IL15: variants seen among roughly 807,000 people sequenced by gnomAD.
The protein encoded by IL15 is interleukin-15.
Under a neutral mutation model 19.6 loss-of-function variants are expected in IL15, and 11 were observed. The observed-to-expected ratio is 0.56, with a 90% confidence interval of 0.35 to 0.93. The LOEUF is 0.93. Ranked by LOEUF, IL15 falls within the 40% of genes least tolerant of loss-of-function variation. The probability of loss-of-function intolerance (pLI) is 0.01; values close to 1 mark genes in which losing one functional copy is unlikely to be tolerated. For synonymous variants in IL15, 58 were observed against 59.6 expected (o/e 0.97, Z 0.12); for missense variants, 197 against 186.5 (o/e 1.06, Z -0.33).
rs752261195 is a variant in IL15 at position 141,684,692 on chromosome 4, C to CA, written c.-100+28389dup. 6.0e-4 allele frequency among the ~76,000 whole-genome samples: 92 copies of CA among 152,302 alleles called. 1 individual carries two copies. Among genetic ancestry groups the CA allele is most frequent in the Non-Finnish European group, 1.0e-3 (71 of 68,014 alleles). On this transcript the variant is annotated intron_variant, in intron 2 of 7. Transcript: ENST00000320650. ...TTCTATTCAAACTTTATCCACTCTT[C>CA]AAAACTAACCTCAATTACCACCCAT...
chr4:141,720,267 T>C (rs1730028827), intron 3 of IL15, among the ~76,000 whole-genome samples: 1 of 152,136 alleles, frequency 6.6e-6, no homozygotes, highest in African/African-American at 2.4e-5. Flanking sequence ...GTTAAGGAAC[T>C]TTGTGCATAA....
chr4:141,716,765 G>T, intron 2 of IL15: 1 of 152,474 alleles, frequency 6.6e-6, no homozygotes, highest in Non-Finnish European at 1.5e-5. Flanking sequence ...GCCTAGGAAA[G>T]CTATGGGAGC....
chr4:141,711,761 CTTAA>C (rs1383195812), intron 2 of IL15, among the ~76,000 whole-genome samples: 2 of 152,026 alleles, frequency 1.3e-5, no homozygotes, highest in Non-Finnish European at 1.5e-5. Context: ...GCATTTTTTA[CTTAA>C]TTATTTCATA....
intron 1 of IL15, among the ~76,000 whole-genome samples, chr4:141,637,775 T>A (rs1303078338): frequency 6.6e-6 from 1 of 152,214 alleles, no homozygotes; most frequent in Non-Finnish European, 1.5e-5. Flanking sequence ...CATTATATAT[T>A]TTTAAACTAC....
intron 2 of IL15, chr4:141,718,376 T>C (rs1729962696): frequency 1.3e-5 from 2 of 152,164 alleles, no homozygotes; most frequent in Admixed American, 6.5e-5. Flanking sequence ...GGTAAAGTTT[T>C]ATAAAAAATT....
At chr4:141,719,857 G>T (rs1337519731) in intron 3 of IL15, among the ~76,000 whole-genome samples, 1 of 152,042 alleles carries the variant, frequency 6.6e-6, no homozygotes, top group East Asian at 1.9e-4. Flanking sequence ...AACTTTAAAA[G>T]CTTCGACAAC....
At chr4:141,677,011 C>A (rs1728369762) in intron 2 of IL15, among the ~76,000 whole-genome samples, 1 of 152,206 alleles carries the variant, frequency 6.6e-6, no homozygotes, top group African/African-American at 2.4e-5. Context: ...CTACTTTCAA[C>A]TTCTTTCATG....
intron 1 of IL15, among the ~76,000 whole-genome samples, chr4:141,637,798 T>C (rs918441046): frequency 6.6e-6 from 1 of 152,238 alleles, no homozygotes; most frequent in African/African-American, 2.4e-5. Flanking sequence ...TCTAATATTA[T>C]GATACTGGTG....
intron 2 of IL15, among the ~76,000 whole-genome samples, chr4:141,672,303 C>T (rs989142882): frequency 6.6e-6 from 1 of 152,122 alleles, no homozygotes; most frequent in East Asian, 1.9e-4. Flanking sequence ...TAATATCTGT[C>T]ACTTTTATTC....
intron 1 of IL15, among the ~76,000 whole-genome samples, chr4:141,649,442 T>A (rs2152154980): frequency 6.6e-6 from 1 of 151,386 alleles, no homozygotes; most frequent in South Asian, 2.1e-4. Context: ...GTGGTGGAAC[T>A]GGAGCTTGAA....
At chr4:141,640,571 T>C (rs539769586) in intron 1 of IL15, among the ~76,000 whole-genome samples, 74 of 152,146 alleles carry the variant, frequency 4.9e-4, no homozygotes, top group African/African-American at 1.8e-3. Context: ...ATTGCCCTTT[T>C]TTAAACAAAC....
chr4:141,727,987 G>A lies in IL15; in HGVS notation c.240+3G>A, dbSNP rs748629990. Reference sequence around the variant, plus strand: ...TATATACGGAAAGTGATGTTCACGTGAGTATACTTTTTTTCAAAATTGCTA... The same window carrying A: ...TATATACGGAAAGTGATGTTCACGTAAGTATACTTTTTTTCAAAATTGCTA... On this transcript the variant is annotated splice_donor_region_variant and intron_variant, in intron 6 of 7. Transcript: ENST00000320650. 3.0e-6 allele frequency: 4 copies of A among 1,318,222 alleles called. No individual in the cohort carries two copies. Among genetic ancestry groups the A allele is most frequent in the Admixed American group, 2.0e-5 (1 of 48,908 alleles). The allele number at this position is 1,318,222 out of a possible 1,614,324, so 81.7% of individuals were successfully genotyped here. A position where few individuals can be genotyped will look rare whatever the true frequency, so the allele number is the denominator to read the frequency against.
At chr4:141,673,320 G>GC (rs1190705518) in intron 2 of IL15, among the ~76,000 whole-genome samples, 1 of 152,250 alleles carries the variant, frequency 6.6e-6, no homozygotes, top group East Asian at 1.9e-4. Flanking sequence ...CAAACATTCT[G>GC]CTTTGTAAGT....
intron 4 of IL15, chr4:141,720,900 G>A (rs946407702): frequency 2.2e-4 from 120 of 536,304 alleles, no homozygotes; most frequent in Middle Eastern, 4.8e-4. Context: ...ATTTGCTTAT[G>A]TTACTTTTTT....
At chr4:141,710,509 C>A (rs896471903) in intron 2 of IL15, among the ~76,000 whole-genome samples, 1 of 151,988 alleles carries the variant, frequency 6.6e-6, no homozygotes, top group Non-Finnish European at 1.5e-5. Context: ...AAATTTATCT[C>A]TGTGTCTACT....
At chr4:141,652,252 T>C (rs1200484133) in intron 1 of IL15, among the ~76,000 whole-genome samples, 2 of 152,110 alleles carry the variant, frequency 1.3e-5, no homozygotes, top group African/African-American at 4.8e-5. Flanking sequence ...CGGACTATTC[T>C]CCTATTGTGA....
At chr4:141,711,724 T>G (rs1273999895) in intron 2 of IL15, among the ~76,000 whole-genome samples, 1 of 152,156 alleles carries the variant, frequency 6.6e-6, no homozygotes, top group Non-Finnish European at 1.5e-5. Flanking sequence ...ACATCTTTTT[T>G]GAATAACTTT....
intron 2 of IL15, chr4:141,718,404 ATAGAC>A (rs1456147107): frequency 3.3e-5 from 5 of 152,200 alleles, no homozygotes; most frequent in Admixed American, 2.0e-4. Flanking sequence ...CTGAGATAAT[ATAGAC>A]AAAGGGAATA....
At chr4:141,680,004 A>G (rs1728479413) in intron 2 of IL15, among the ~76,000 whole-genome samples, 1 of 152,244 alleles carries the variant, frequency 6.6e-6, no homozygotes, top group Non-Finnish European at 1.5e-5. Context: ...GAACAAAACT[A>G]TTCATGTTGT....
Sources: gnomAD v4.1 joint callset for allele counts (sites outside exome capture counted in the v4.1 genomes callset) on GRCh38, gnomAD v4.1.1 for gene constraint, MANE v1.5 for transcripts, NCBI Gene and HGNC (gene_info 2026-07-23, HGNC 2026-07-21) for gene names.